Variants in COL1A1 observed in about 807,000 individuals in gnomAD.
The protein encoded by COL1A1 is collagen alpha-1(I) chain.
Under a neutral mutation model 195.7 loss-of-function variants are expected in COL1A1, and 21 were observed. The ratio of observed to expected loss-of-function variants is 0.11; its 90% CI spans 0.08 to 0.15. The LOEUF is 0.15. Ranked by LOEUF, COL1A1 falls within the 10% of genes least tolerant of loss-of-function variation. The pLI, the probability that COL1A1 is intolerant of heterozygous loss-of-function variation, is 1.00. For missense variants in COL1A1, 1,365 were observed against 2,051.0 expected, an observed-to-expected ratio of 0.67 and a Z score of 6.46; for synonymous variants, 749 against 747.3, an observed-to-expected ratio of 1.00 and a Z score of -0.04.
At chr17:50,198,310 T>C in intron 6 of COL1A1, 105 bp from the exon 7 acceptor site, 3 of 1,553,130 alleles carry the variant, frequency 1.9e-6, no homozygotes, top group South Asian at 2.2e-5. Flanking sequence ...CTGCATCCTT[T>C]CTGGACTCTG....
At position 50,194,887 on chromosome 17, in the gene COL1A1, CAG is replaced by C; in HGVS notation, c.1354-61_1354-60del. On this transcript the variant is annotated intron_variant, in intron 20 of 50. Coordinates refer to ENST00000225964, the MANE Select transcript of COL1A1 (RefSeq NM_000088.4). This position sits in a 1 kb window ranked among gnomAD's most constrained non-coding sequence, Gnocchi z 6.8. ...GTGAGGGGCCATCCTGTGCCAGCCT[CAG>C]AGCCGGCTGAGGCTGGGCCTCCAGT... The C allele has an allele frequency of 6.4e-6, 10 of 1,551,318 alleles. No individual in the cohort carries two copies. Among genetic ancestry groups the C allele is most frequent in the Non-Finnish European group, 8.8e-6 (10 of 1,133,870 alleles).
Position 50,198,462 on chromosome 17 carries a change from T to C in COL1A1, c.514A>G (p.Thr172Ala), listed in dbSNP as rs1193295384. The C allele has an allele frequency of 6.2e-7, 1 of 1,613,572 alleles. No individual in the cohort carries two copies. Among genetic ancestry groups the C allele is most frequent in the Non-Finnish European group, 8.5e-7 (1 of 1,179,816 alleles). ...GGGCCAGGCACGGAAATTCCTCCGG[T>C]TGATTTCTCATCATAGCCATAAGAC... ...QLSYGYDEKSTGGISVPGPMG... is the reference protein window; with the variant it reads ...QLSYGYDEKSAGGISVPGPMG... Residue 172 changes from threonine (T) to alanine (A), a missense_variant, in exon 6 of 51, where the codon ACC (threonine) becomes GCC (alanine). Physicochemically the swap from Thr to Ala is moderately conservative, Grantham distance 58 (BLOSUM62 0). Coordinates refer to ENST00000225964, the MANE Select transcript of COL1A1 (RefSeq NM_000088.4).
Position 50,197,046 on chromosome 17 carries a change from G to C in COL1A1, c.768C>G (p.Pro256=). 1.2e-6 allele frequency: 2 copies of C among 1,614,068 alleles called. No individual in the cohort carries two copies. Among genetic ancestry groups the C allele is most frequent in the Non-Finnish European group, 1.7e-6 (2 of 1,179,996 alleles). The change falls in exon 11 of 51, where the codon CCC becomes CCG. Residue 256 remains proline, a synonymous_variant. Coordinates refer to ENST00000225964, the MANE Select transcript of COL1A1 (RefSeq NM_000088.4). The part of the protein sequence containing the change: ...PPGPQGARGL[P]GTAGLPGMKG... ...TCATTCCAGGGAGGCCAGCTGTTCC[G>C]GGCAATCCTCGAGCACCCTGGAGAG...
At position 50,192,956 on chromosome 17, in the gene COL1A1, C is replaced by A; in HGVS notation, c.1821+38G>T. 6 of 1,613,432 alleles carry A rather than the reference C, an allele frequency of 3.7e-6. 1 individual carries two copies. The Middle Eastern group carries it at 6.6e-4, about 178-fold the overall frequency. ...CAGGGAGGAGAAAGTGCCGGGGCAG[C>A]AATGGGAAGGAGGTAGGGATGGAAA... is the stretch of plus-strand genomic sequence containing the variant. On this transcript the variant is annotated intron_variant, in intron 26 of 50. Transcript: ENST00000225964.
In COL1A1 at chr17:50,199,794, A is replaced by T. The variant is rs1468398211; in HGVS notation, c.257T>A (p.Val86Asp). 1 of 1,613,674 alleles carries T rather than the reference A, an allele frequency of 6.2e-7. No individual in the cohort carries two copies. ...DETKNCPGAE[V>D]PEGECCPVCP... ...GACGGGACAGCACTCGCCCTCGGGG[A>T]CTTCGGCGCCGGGGCAGTTCTTGGT... Residue 86 changes from valine (V) to aspartate (D), a missense_variant, in exon 2 of 51, where the codon GTC becomes GAC. Physicochemically the swap from Val to Asp is radical, Grantham distance 152. Around this residue, in one of 5 missense-constraint regions of COL1A1, gnomAD observed 194 missense variants for 221.7 expected, o/e 0.88. Coordinates refer to ENST00000225964, the MANE Select transcript of COL1A1 (RefSeq NM_000088.4).
chr17:50,191,899 G>A lies in COL1A1; in HGVS notation c.2029-13C>T. ...AACCTCTCTCGCCCTAGAAGGGAAGGACAGGGCATGTGAAGGCTGCTCTGG... is the reference window on the plus strand; with the variant it reads ...AACCTCTCTCGCCCTAGAAGGGAAGAACAGGGCATGTGAAGGCTGCTCTGG... On this transcript the variant is annotated splice_polypyrimidine_tract_variant and intron_variant, in intron 30 of 50. Transcript: ENST00000225964. The A allele has an allele frequency of 6.2e-7, 1 of 1,604,010 alleles. No individual in the cohort carries two copies. Among genetic ancestry groups the A allele is most frequent in the Non-Finnish European group, 8.5e-7 (1 of 1,175,010 alleles).
At chr17:50,193,484 CTT>C (rs3062009) in intron 25 of COL1A1, 96 of 169,220 alleles carry the variant, frequency 5.7e-4, no homozygotes, top group South Asian at 2.0e-3. Flanking sequence ...TTTCTTTCTT[CTT>C]TTTTTTTTTT....
rs1286145611 is a variant in COL1A1 at position 50,186,155 on chromosome 17, G to A, written c.4006-135C>T. On this transcript the variant is annotated intron_variant, in intron 49 of 50. Coordinates refer to ENST00000225964, the MANE Select transcript of COL1A1 (RefSeq NM_000088.4). The surrounding 1 kb of genome is among the most constrained non-coding windows in gnomAD (Gnocchi z 5.3). Reference sequence around the variant, plus strand: ...CGAGAGGAGGCACCACCTGCCCATCGGCAGCCTGTGTCTGAACCACTATCA... The same window carrying A: ...CGAGAGGAGGCACCACCTGCCCATCAGCAGCCTGTGTCTGAACCACTATCA... The A allele has an allele frequency of 2.6e-6, 4 of 1,514,106 alleles. No individual in the cohort carries two copies. Among genetic ancestry groups the A allele is most frequent in the African/African-American group, 2.7e-5 (2 of 72,870 alleles). The allele number at this position is 1,514,106 out of a possible 1,614,324, so 93.8% of individuals were successfully genotyped here.
In COL1A1 at chr17:50,199,876, G is replaced by A; in HGVS notation, c.175C>T (p.Arg59Trp). 6.2e-7 allele frequency: 1 copy of A among 1,614,216 alleles called. No individual in the cohort carries two copies. The highest frequency in any genetic ancestry group is 8.5e-7 in the Non-Finnish European group (1 of 1,180,038). ...TTGCCGTTGTCGCAGACGCAGATCC[G>A]GCAGGGCTCGGGTTTCCACACGTCT... Reference protein sequence around the residue: ...DRDVWKPEPCRICVCDNGKVL... With the variant: ...DRDVWKPEPCWICVCDNGKVL... Residue 59 changes from arginine to tryptophan, a missense_variant, in exon 2 of 51, where the codon CGG (arginine) becomes TGG (tryptophan). Physicochemically the swap from Arg to Trp is moderately radical, Grantham distance 101. Transcript: ENST00000225964.
Position 50,187,980 on chromosome 17 carries a change from G to T in COL1A1, c.3265C>A (p.Pro1089Thr). The T allele has an allele frequency of 6.2e-7, 1 of 1,614,080 alleles. No homozygotes were observed. Among genetic ancestry groups the T allele is most frequent in the Non-Finnish European group, 8.5e-7 (1 of 1,179,980 alleles). Residue 1089 changes from proline (P) to threonine (T), a missense_variant, in exon 45 of 51, where the codon CCC becomes ACC. This residue lies in a region of COL1A1 where 671 missense variants were observed against 1,099.9 expected (regional missense o/e 0.61). Transcript: ENST00000225964. ...CCCTTGTCACCACGGGGGCCTTGGG[G>T]TCCCTAGAAGAGAGAAAGGGACAAA... is the stretch of plus-strand genomic sequence containing the variant. The part of the protein sequence containing the change: ...GPVGARGPAG[P>T]QGPRGDKGET...
In COL1A1 at chr17:50,187,848, G is replaced by A. The variant is rs2277634; in HGVS notation, c.3369+28C>T. On this transcript the variant is annotated intron_variant, in intron 45 of 50. Coordinates refer to ENST00000225964, the MANE Select transcript of COL1A1 (RefSeq NM_000088.4). ...CCTCCTATCCCACAGCACAGCATGG[G>A]GACTGGGGAGGGGCTGAGCATACTT... 1,617 of 1,552,920 alleles carry A rather than the reference G, an allele frequency of 1.0e-3. 35 individuals are homozygous for A. In the East Asian group the frequency reaches 0.035, roughly 33 times the overall value.
rs72654799 is a variant in COL1A1, at chr17:50,188,541, G to C, written c.3196C>G (p.Arg1066Gly). The part of the protein sequence containing the change: ...PVGPAGKSGD[R>G]GETGPAGPAG... ...GCCCAGCTACTTACAGTCTCACCAC[G>C]ATCACCACTCTTGCCAGCAGGGCCA... is the stretch of plus-strand genomic sequence containing the variant. Residue 1066 changes from arginine (R) to glycine (G), a missense_variant, in exon 43 of 51, where the codon CGT (arginine) becomes GGT (glycine). This residue lies in a region of COL1A1 where 671 missense variants were observed against 1,099.9 expected (regional missense o/e 0.61). Coordinates refer to ENST00000225964, the MANE Select transcript of COL1A1 (RefSeq NM_000088.4). The surrounding 1 kb of genome is among the most constrained non-coding windows in gnomAD (Gnocchi z 5.6). The C allele has an allele frequency of 6.2e-7, 1 of 1,613,856 alleles. No homozygotes were observed. The highest frequency in any genetic ancestry group is 8.5e-7 in the Non-Finnish European group (1 of 1,179,970).
intron 50 of COL1A1, 37 bp from the exon 51 acceptor site, chr17:50,185,685 C>G (rs776541846): frequency 1.2e-5 from 20 of 1,612,244 alleles, no homozygotes; most frequent in Non-Finnish European, 1.6e-5. Context: ...GGGGCATTAC[C>G]ACGTGGGAGT....
Position 50,186,034 on chromosome 17 carries a change from G to A in COL1A1, c.4006-14C>T, listed in dbSNP as rs1820652032. On this transcript the variant is annotated splice_polypyrimidine_tract_variant and intron_variant, in intron 49 of 50. Coordinates refer to ENST00000225964, the MANE Select transcript of COL1A1 (RefSeq NM_000088.4). The surrounding 1 kb of genome is among the most constrained non-coding windows in gnomAD (Gnocchi z 5.3). ...GCCATACTCGAACTGCAGGGGAGGG[G>A]AGAGAGGGAAGAGTGAGCCGCTATG... 1 of 1,611,686 alleles carries A rather than the reference G, an allele frequency of 6.2e-7. No homozygotes were observed. Among genetic ancestry groups the A allele is most frequent in the Admixed American group, 1.7e-5 (1 of 60,010 alleles).
At position 50,185,946 on chromosome 17, in the gene COL1A1, G is replaced by A. The variant is rs753536372; in HGVS notation, c.4080C>T (p.Thr1360=). The change falls in exon 50 of 51, where the codon ACC becomes ACT. Residue 1360 remains threonine (T), a synonymous_variant. Coordinates refer to ENST00000225964, the MANE Select transcript of COL1A1 (RefSeq NM_000088.4). The part of the protein sequence containing the change: ...IQLTFLRLMS[T]EASQNITYHC... Reference sequence around the variant, plus strand: ...GGTAGGTGATGTTCTGGGAGGCCTCGGTGGACATCAGGCGCAGGAAGGTCA... The same window carrying A: ...GGTAGGTGATGTTCTGGGAGGCCTCAGTGGACATCAGGCGCAGGAAGGTCA... The A allele has an allele frequency of 8.1e-6, 13 of 1,613,920 alleles. No homozygotes were observed. Among genetic ancestry groups the A allele is most frequent in the South Asian group, 1.1e-5 (1 of 91,084 alleles).
chr17:50,198,752 G>GTC, intron 5 of COL1A1: 1 of 545,644 alleles, frequency 1.8e-6, no homozygotes, highest in Non-Finnish European at 3.3e-6. Flanking sequence ...GACAAAGAAA[G>GTC]TCTGAGGAAC....
chr17:50,193,024 C>A lies in COL1A1; in HGVS notation c.1791G>T (p.Glu597Asp). The change falls in exon 26 of 51, where the codon GAG becomes GAT. Residue 597 changes from glutamate (E) to aspartate (D), a missense_variant. Physicochemically the swap from Glu to Asp is conservative, Grantham distance 45 (BLOSUM62 2). Coordinates refer to ENST00000225964, the MANE Select transcript of COL1A1 (RefSeq NM_000088.4). ...CGCCAGGGGGTCCGGGAACACCTCG[C>A]TCTCCAGCCTTGCCGGGCTCTCCCT... The part of the protein sequence containing the change: ...GAAGEPGKAG[E>D]RGVPGPPGAV... 1 of 1,614,078 alleles carries A rather than the reference C, an allele frequency of 6.2e-7. No homozygotes were observed. Among genetic ancestry groups the A allele is most frequent in the Non-Finnish European group, 8.5e-7 (1 of 1,180,014 alleles).
chr17:50,187,766 C>T (rs2044421380), intron 45 of COL1A1, 110 bp downstream of exon 45: 4 of 1,123,620 alleles, frequency 3.6e-6, no homozygotes, highest in Non-Finnish European at 5.2e-6. Flanking sequence ...GACCCCAGTC[C>T]CCACTAGGGA....
At chr17:50,198,058 A>G (rs1053172440) in intron 7 of COL1A1, 56 bp from the exon 8 acceptor site, 6 of 1,609,456 alleles carry the variant, frequency 3.7e-6, no homozygotes, top group Non-Finnish European at 4.3e-6. Context: ...ACCTTCTCCA[A>G]TCTTACCAAG....
Sources: gnomAD v4.1 joint callset for allele counts on GRCh38, gnomAD v4.1.1 for gene constraint, gnomAD v4.1.1 regional missense constraint, Gnocchi (gnomAD v3.1) non-coding constraint, MANE v1.5 for transcripts, NCBI Gene and HGNC (gene_info 2026-07-23, HGNC 2026-07-21) for gene names.